The following LRRTM4 variants were observed in gnomAD, a reference collection of about 807,000 sequenced individuals.
The protein encoded by LRRTM4 is leucine-rich repeat transmembrane neuronal protein 4.
Under a neutral mutation model 47.6 loss-of-function variants are expected in LRRTM4, and 25 were observed. The observed-to-expected ratio is 0.53, with a 90% confidence interval of 0.38 to 0.73. The LOEUF (loss-of-function observed/expected upper bound fraction) is 0.73, where lower values mean the gene tolerates loss of function less well. Among genes scored for constraint, LRRTM4 ranks in the 30% least tolerant of loss-of-function variants. The pLI is 0.00. For synonymous variants in LRRTM4, 311 were observed against 269.5 expected (o/e 1.15, Z -1.51); for missense variants, 638 against 713.4 (o/e 0.89, Z 1.20).
chr2:77,357,429 T>C (rs1335630858), intron 3 of LRRTM4, among the ~76,000 whole-genome samples: 1 of 152,192 alleles, frequency 6.6e-6, no homozygotes, highest in East Asian at 1.9e-4. Context: ...TTTGGTATTT[T>C]AATCATTGCT....
chr2:77,003,611 T>C (rs1291513390), intron 3 of LRRTM4, among the ~76,000 whole-genome samples: 2 of 152,326 alleles, frequency 1.3e-5, no homozygotes, highest in East Asian at 1.9e-4. Flanking sequence ...TCTTGCCATG[T>C]AGAATTATGA....
At chr2:77,315,242 G>T (rs946154721) in intron 3 of LRRTM4, among the ~76,000 whole-genome samples, 2 of 152,268 alleles carry the variant, frequency 1.3e-5, no homozygotes, top group Admixed American at 1.3e-4. Flanking sequence ...ACCAATCTAT[G>T]TGAACTAGTA....
intron 3 of LRRTM4, among the ~76,000 whole-genome samples, chr2:77,356,798 C>G (rs1671983583): frequency 1.3e-5 from 2 of 152,150 alleles, no homozygotes; most frequent in African/African-American, 4.8e-5. Flanking sequence ...TATATGTTAT[C>G]TCTCAAACTT....
chr2:77,403,318 G>A (rs1674037124), intron 3 of LRRTM4, among the ~76,000 whole-genome samples: 1 of 151,740 alleles, frequency 6.6e-6, no homozygotes, highest in Non-Finnish European at 1.5e-5. Context: ...CAATCCTACT[G>A]AACAAATTTT....
intron 3 of LRRTM4, among the ~76,000 whole-genome samples, chr2:76,796,203 C>T (rs1675311952): frequency 7.1e-6 from 1 of 141,744 alleles, no homozygotes; most frequent in East Asian, 2.0e-4. Flanking sequence ...GCACAGCAGT[C>T]TGAGATCAAA....
rs1031570967 is a variant in LRRTM4, at chr2:77,518,390, A to T, written c.1479T>A (p.Ser493=). Residue 493 remains serine (S), a synonymous_variant, in exon 3 of 4, where the codon TCT becomes TCA. Transcript: ENST00000409884. ...EYYVDYKPTN[S]ETMDISVNGS... Reference sequence around the variant, plus strand: ...CATTAACCGATATATCCATGGTCTCAGAGTTTGTAGGCTTGTAGTCCACAT... The same window carrying T: ...CATTAACCGATATATCCATGGTCTCTGAGTTTGTAGGCTTGTAGTCCACAT... 5 of 1,612,966 alleles carry T rather than the reference A, an allele frequency of 3.1e-6. No individual in the cohort carries two copies. In the Admixed American group the frequency reaches 6.7e-5, roughly 22 times the overall value.
chr2:76,767,205 T>C (rs1240267437), intron 3 of LRRTM4, among the ~76,000 whole-genome samples: 1 of 152,212 alleles, frequency 6.6e-6, no homozygotes, highest in Non-Finnish European at 1.5e-5. Flanking sequence ...CTGACTGACA[T>C]GTAATTTAGG....
intron 3 of LRRTM4, among the ~76,000 whole-genome samples, chr2:76,928,717 G>A (rs1674668432): frequency 6.6e-6 from 1 of 152,034 alleles, no homozygotes; most frequent in Non-Finnish European, 1.5e-5. Context: ...TTTTCAAGCT[G>A]ACAGAATGAC....
chr2:77,128,124 C>G (rs1185985024), intron 3 of LRRTM4, among the ~76,000 whole-genome samples: 1 of 142,996 alleles, frequency 7.0e-6, no homozygotes, highest in Non-Finnish European at 1.5e-5. Context: ...GTCTGGGTGA[C>G]AGAGCGAGAC....
intron 3 of LRRTM4, among the ~76,000 whole-genome samples, chr2:76,903,495 C>T (rs1673715616): frequency 6.6e-6 from 1 of 152,118 alleles, no homozygotes; most frequent in Non-Finnish European, 1.5e-5. Flanking sequence ...GAGATTGCAT[C>T]ACTGCACTCC....
At chr2:77,360,158 T>C (rs546609234) in intron 3 of LRRTM4, among the ~76,000 whole-genome samples, 51 of 152,224 alleles carry the variant, frequency 3.4e-4, no homozygotes, top group African/African-American at 1.1e-3. Flanking sequence ...TGCCACCCAA[T>C]AATAAATAGT....
chr2:77,505,633 TTG>T (rs1171632928), intron 3 of LRRTM4, among the ~76,000 whole-genome samples: 4 of 151,500 alleles, frequency 2.6e-5, no homozygotes, highest in Non-Finnish European at 5.9e-5. Flanking sequence ...AAGATAAACA[TTG>T]TGTTTTGCAA....
At chr2:77,230,520 T>C (rs907264720) in intron 3 of LRRTM4, among the ~76,000 whole-genome samples, 1 of 152,168 alleles carries the variant, frequency 6.6e-6, no homozygotes, top group Non-Finnish European at 1.5e-5. Context: ...AATTTGAATA[T>C]AAAATAAGAT....
chr2:77,109,941 G>A (rs1671203992), intron 3 of LRRTM4, among the ~76,000 whole-genome samples: 1 of 151,926 alleles, frequency 6.6e-6, no homozygotes, highest in South Asian at 2.1e-4. Flanking sequence ...TACCCACAGT[G>A]CAGCACAATC....
At chr2:76,982,455 C>T (rs149927874) in intron 3 of LRRTM4, among the ~76,000 whole-genome samples, 43 of 152,028 alleles carry the variant, frequency 2.8e-4, no homozygotes, top group Middle Eastern at 3.4e-3. Context: ...AGTGTATTGC[C>T]CTCATTTTAA....
rs1251939535 is a variant in LRRTM4 at position 76,867,830 on chromosome 2, C to T, written c.1552-118914G>A. ...TCAGGTACACCCTTTCCCCTTAATA[C>T]ACCCATGCATACACATGTATTTATA... On this transcript the variant is annotated intron_variant, in intron 3 of 3. Transcript: ENST00000409884. 2.0e-5 allele frequency among the ~76,000 whole-genome samples: 3 copies of T among 152,124 alleles called. No individual in the cohort carries two copies. In the East Asian group the frequency reaches 5.8e-4, roughly 29 times the overall value.
At chr2:76,999,110 A>AGT (rs1677317832) in intron 3 of LRRTM4, among the ~76,000 whole-genome samples, 2 of 151,780 alleles carry the variant, frequency 1.3e-5, no homozygotes, top group South Asian at 4.2e-4. Context: ...GGGGAGGGGT[A>AGT]GTGTGTGTGC....
At chr2:76,949,072 G>A (rs967874267) in intron 3 of LRRTM4, among the ~76,000 whole-genome samples, 4 of 150,722 alleles carry the variant, frequency 2.7e-5, no homozygotes, top group Non-Finnish European at 5.9e-5. Context: ...TTACAATTAA[G>A]AGAAATAGAG....
chr2:76,860,742 T>A (rs1014152953), intron 3 of LRRTM4, among the ~76,000 whole-genome samples: 1 of 152,108 alleles, frequency 6.6e-6, no homozygotes, highest in East Asian at 1.9e-4. Context: ...AAATACAACA[T>A]CTCTTTCTAC....
Sources: gnomAD v4.1 joint callset for allele counts (sites outside exome capture counted in the v4.1 genomes callset) on GRCh38, gnomAD v4.1.1 for gene constraint, MANE v1.5 for transcripts, NCBI Gene and HGNC (gene_info 2026-07-23, HGNC 2026-07-21) for gene names.